The following NCKAP5 variants were observed in gnomAD, a reference collection of about 807,000 sequenced individuals.
The protein encoded by NCKAP5 is NCK associated protein 5.
In NCKAP5, 92 loss-of-function variants were observed where a neutral mutation model predicts 167.0. That is an observed-to-expected ratio of 0.55 (90% confidence interval 0.47 to 0.66). The LOEUF (loss-of-function observed/expected upper bound fraction) is 0.66. Among genes scored for constraint, NCKAP5 ranks in the 30% least tolerant of loss-of-function variants. The pLI is 0.00. For missense variants in NCKAP5, 2,378 were observed against 2,315.0 expected (o/e 1.03, Z -0.56); for synonymous variants, 891 against 877.4 (o/e 1.02, Z -0.27).
chr2:132,874,521 G>A (rs903379060), intron 9 of NCKAP5, among the ~76,000 whole-genome samples: 4 of 152,158 alleles, frequency 2.6e-5, no homozygotes, highest in Non-Finnish European at 4.4e-5. Flanking sequence ...CAGAGAGACA[G>A]GTGAGAAATA....
intron 19 of NCKAP5, among the ~76,000 whole-genome samples, chr2:132,713,357 T>G (rs1239736065): frequency 6.8e-6 from 1 of 147,282 alleles, no homozygotes. Flanking sequence ...GTTCACAGAG[T>G]GACAAAACAT....
At chr2:132,773,169 A>C (rs1682237590) in intron 16 of NCKAP5, among the ~76,000 whole-genome samples, 1 of 152,172 alleles carries the variant, frequency 6.6e-6, no homozygotes, top group African/African-American at 2.4e-5. Context: ...GGAGGAGCTA[A>C]AGGTGCCACT....
chr2:133,547,887 T>A lies in NCKAP5; in HGVS notation c.-62+11163A>T, dbSNP rs1190364027. 1.2e-3 allele frequency among the ~76,000 whole-genome samples: 183 copies of A among 147,496 alleles called. 1 individual carries two copies. The highest frequency in any genetic ancestry group is 4.3e-3 in the African/African-American group (173 of 40,136). On this transcript the variant is annotated intron_variant, in intron 2 of 19. Transcript: ENST00000409261. ...AACAAAGCTGGATGGAGAATGACTT[T>A]GACGAGCTGAGAGAAGAAGGCTTCA...
At chr2:133,632,354 A>G in the NCKAP5 span, among the ~76,000 whole-genome samples, 1 of 152,284 alleles carries the variant, frequency 6.6e-6, no homozygotes, top group Non-Finnish European at 1.5e-5. Flanking sequence ...TCGGCAAATT[A>G]GAAAAGAAAA....
intron 7 of NCKAP5, among the ~76,000 whole-genome samples, chr2:132,971,126 T>C (rs2076822386): frequency 1.3e-5 from 2 of 152,184 alleles, no homozygotes; most frequent in Non-Finnish European, 2.9e-5. Context: ...GAGCTTACAG[T>C]CTTGCAGAAG....
At chr2:133,652,190 CT>C in the NCKAP5 span, among the ~76,000 whole-genome samples, 1 of 152,266 alleles carries the variant, frequency 6.6e-6, no homozygotes, top group African/African-American at 2.4e-5. Context: ...TGGAGATTCA[CT>C]CATGTAATTC....
intron 11 of NCKAP5, among the ~76,000 whole-genome samples, chr2:132,798,175 TTATAATCCTAATTC>T (rs1322391430): frequency 2.0e-5 from 3 of 152,194 alleles, no homozygotes; most frequent in African/African-American, 7.2e-5. Context: ...TGGACAGTTT[TTATAATCCTAATTC>T]TATAATCCTA....
chr2:133,616,162 G>A, the NCKAP5 span, among the ~76,000 whole-genome samples: 1 of 151,274 alleles, frequency 6.6e-6, no homozygotes, highest in South Asian at 2.1e-4. Flanking sequence ...GTGTGTAGAG[G>A]GAAATTTATA....
intron 11 of NCKAP5, among the ~76,000 whole-genome samples, chr2:132,853,865 C>A (rs1689263531): frequency 6.6e-6 from 1 of 152,118 alleles, no homozygotes; most frequent in African/African-American, 2.4e-5. Flanking sequence ...TTATCCTGAC[C>A]CATCTAAACA....
chr2:133,613,936 G>C, the NCKAP5 span, among the ~76,000 whole-genome samples: 1 of 152,172 alleles, frequency 6.6e-6, no homozygotes, highest in African/African-American at 2.4e-5. Flanking sequence ...TGAGTCGTTG[G>C]AGAGAGCATT....
At chr2:133,387,144 T>C (rs1270113733) in intron 3 of NCKAP5, among the ~76,000 whole-genome samples, 1 of 152,234 alleles carries the variant, frequency 6.6e-6, no homozygotes, top group Non-Finnish European at 1.5e-5. Flanking sequence ...CTAAACTTGA[T>C]GGTCTTTACA....
chr2:133,615,011 A>G, the NCKAP5 span, among the ~76,000 whole-genome samples: 7 of 152,080 alleles, frequency 4.6e-5, no homozygotes, highest in African/African-American at 1.7e-4. Context: ...TCTTAAAGAC[A>G]AGAATTTTCA....
chr2:133,313,115 TCA>T (rs1455027572), intron 3 of NCKAP5, among the ~76,000 whole-genome samples: 1 of 152,192 alleles, frequency 6.6e-6, no homozygotes, highest in Non-Finnish European at 1.5e-5. Context: ...CTAACTGCCC[TCA>T]GAGTGGATTT....
At chr2:133,504,531 G>A (rs1682828077) in intron 3 of NCKAP5, among the ~76,000 whole-genome samples, 1 of 151,936 alleles carries the variant, frequency 6.6e-6, no homozygotes, top group South Asian at 2.1e-4. Flanking sequence ...TGATGTTTCT[G>A]CCTGATTCAA....
intron 3 of NCKAP5, among the ~76,000 whole-genome samples, chr2:133,322,310 A>T (rs1159446055): frequency 1.3e-5 from 2 of 152,242 alleles, no homozygotes; most frequent in African/African-American, 4.8e-5. Flanking sequence ...TCTATGCAGT[A>T]AGTGATACAG....
At chr2:132,878,256 A>G (rs532401942) in intron 9 of NCKAP5, among the ~76,000 whole-genome samples, 12 of 152,052 alleles carry the variant, frequency 7.9e-5, no homozygotes, top group Non-Finnish European at 1.2e-4. Flanking sequence ...TCATCACGTA[A>G]TATTTATCCA....
At chr2:133,647,396 G>A in the NCKAP5 span, among the ~76,000 whole-genome samples, 11 of 119,800 alleles carry the variant, frequency 9.2e-5, no homozygotes, top group African/African-American at 3.9e-4. Context: ...AGGAAGGAAG[G>A]AAGGAAGGAA....
At chr2:133,085,064 T>C (rs2080940572) in intron 6 of NCKAP5, among the ~76,000 whole-genome samples, 1 of 152,190 alleles carries the variant, frequency 6.6e-6, no homozygotes, top group Non-Finnish European at 1.5e-5. Context: ...TCTTAGCTAG[T>C]TGGTAATACA....
Position 132,706,011 on chromosome 2 carries a change from T to C in NCKAP5, c.5713+19616A>G, listed in dbSNP as rs867243416. ...ATAAGCATATACATGGAGACATATA[T>C]ATTTGCATATGTACACAATATATAA... On this transcript the variant is annotated intron_variant, in intron 19 of 19. Coordinates refer to ENST00000409261, the MANE Select transcript of NCKAP5 (RefSeq NM_207363.3). Among the ~76,000 whole-genome samples, 10 of 152,334 alleles carry C rather than the reference T, an allele frequency of 6.6e-5. No homozygotes were observed. In the Middle Eastern group the frequency reaches 0.01, roughly 155 times the overall value.
Sources: allele counts gnomAD v4.1 joint callset (sites outside exome capture counted in the v4.1 genomes callset), GRCh38; gene constraint gnomAD v4.1.1; transcripts MANE v1.5; gene names NCBI Gene and HGNC (gene_info 2026-07-23, HGNC 2026-07-21).